PRKN: variants seen among roughly 807,000 people sequenced by gnomAD.
The protein encoded by PRKN is E3 ubiquitin-protein ligase parkin.
A neutral mutation model predicts 59.5 loss-of-function variants in PRKN; 56 were observed. The observed-to-expected ratio is 0.94, with a 90% confidence interval of 0.76 to 1.18. The LOEUF is 1.18. PRKN is among the 50% of genes most tolerant of loss of function. PRKN has a pLI of 0.00. For missense variants in PRKN, 657 were observed against 596.4 expected (o/e 1.10, Z -1.06); for synonymous variants, 250 against 222.1 (o/e 1.13, Z -1.12).
intron 5 of PRKN, among the ~76,000 whole-genome samples, chr6:162,030,830 C>T (rs1783607611): frequency 1.3e-5 from 2 of 152,150 alleles, no homozygotes; most frequent in Non-Finnish European, 1.5e-5. Context: ...GGAGAATTAA[C>T]GAAACATCTC....
chr6:161,520,690 A>C (rs181228335), intron 9 of PRKN, among the ~76,000 whole-genome samples: 6 of 152,230 alleles, frequency 3.9e-5, no homozygotes, highest in Non-Finnish European at 7.3e-5. Context: ...CTTGAATAAC[A>C]TATTTGAAAG....
At chr6:161,804,426 G>T (rs1476450177) in intron 6 of PRKN, among the ~76,000 whole-genome samples, 1 of 152,160 alleles carries the variant, frequency 6.6e-6, no homozygotes, top group African/African-American at 2.4e-5. Flanking sequence ...GGAAGGCAAG[G>T]CTGGTGGCCT....
intron 7 of PRKN, among the ~76,000 whole-genome samples, chr6:161,619,066 C>T (rs921012578): frequency 6.6e-6 from 1 of 152,002 alleles, no homozygotes; most frequent in Non-Finnish European, 1.5e-5. Flanking sequence ...CCTGGCAGAG[C>T]CTGAAGTGGT....
rs900672898 is a variant in PRKN, at chr6:162,570,391, A to G, written c.8-126918T>C. On this transcript the variant is annotated intron_variant, in intron 1 of 11. Coordinates refer to ENST00000366898, the MANE Select transcript of PRKN (RefSeq NM_004562.3). ...AATTACTACAACCACTATGGAGAAGATTATTTTTTAGTTTTGAGGTTCCTC... is the reference window on the plus strand; with the variant it reads ...AATTACTACAACCACTATGGAGAAGGTTATTTTTTAGTTTTGAGGTTCCTC... Among the ~76,000 whole-genome samples, 3 of 152,336 alleles carry G rather than the reference A, an allele frequency of 2.0e-5. No homozygotes were observed. The South Asian group carries it at 6.2e-4, about 32-fold the overall frequency.
At chr6:161,368,382 G>GATATATAT (rs34367069) in intron 10 of PRKN, among the ~76,000 whole-genome samples, 2,336 of 99,212 alleles carry the variant, frequency 0.024, 105 homozygotes, top group Non-Finnish European at 0.032. Flanking sequence ...CCTCAGTCTT[G>GATATATAT]ATATATATAT....
rs1786929109 is a variant in PRKN, at chr6:161,399,549, G to A, written c.1084-12672C>T. On this transcript the variant is annotated intron_variant, in intron 9 of 11. Coordinates refer to ENST00000366898, the MANE Select transcript of PRKN (RefSeq NM_004562.3). The surrounding 1 kb of genome is among the most constrained non-coding windows in gnomAD (Gnocchi z 4.4). ...CCCCCTCCCATAAGGAGTTTGAGCA[G>A]TGGTGGTGGCTGAACTGATGAGCCA... 6.6e-6 allele frequency among the ~76,000 whole-genome samples: 1 copy of A among 152,174 alleles called. No homozygotes were observed. Among genetic ancestry groups the A allele is most frequent in the South Asian group, 2.1e-4 (1 of 4,828 alleles).
At chr6:162,566,351 G>C (rs887213005) in intron 1 of PRKN, among the ~76,000 whole-genome samples, 2 of 151,966 alleles carry the variant, frequency 1.3e-5, no homozygotes, top group Admixed American at 6.6e-5. Context: ...CAAAAAGTTG[G>C]TTTCTTGAAA....
chr6:162,079,393 G>A (rs1374685811), intron 4 of PRKN, among the ~76,000 whole-genome samples: 1 of 152,012 alleles, frequency 6.6e-6, no homozygotes, highest in African/African-American at 2.4e-5. Context: ...TTGTAAATCG[G>A]TGTCCTCTTT....
chr6:162,160,042 T>A (rs1009133565), intron 4 of PRKN, among the ~76,000 whole-genome samples: 1 of 152,202 alleles, frequency 6.6e-6, no homozygotes, highest in South Asian at 2.1e-4. Context: ...AAACATTGTA[T>A]AAATTGGACT....
At chr6:161,623,868 G>A (rs775664136) in intron 7 of PRKN, among the ~76,000 whole-genome samples, 1 of 151,948 alleles carries the variant, frequency 6.6e-6, no homozygotes, top group Non-Finnish European at 1.5e-5. Context: ...ATTTGGTTAC[G>A]GTTAAAAGAA....
chr6:162,463,937 T>G (rs890719649), intron 1 of PRKN, among the ~76,000 whole-genome samples: 3 of 152,234 alleles, frequency 2.0e-5, no homozygotes, highest in East Asian at 1.9e-4. Flanking sequence ...TTGTTGTTTT[T>G]GGGGACTTAA....
chr6:161,858,541 G>A (rs11752805), intron 6 of PRKN, among the ~76,000 whole-genome samples: 75,623 of 151,880 alleles, frequency 0.5, 19,091 homozygotes, highest in East Asian at 0.76. Context: ...GTAAAGGCTA[G>A]TGTGACCCAG....
At chr6:162,379,924 A>G (rs1175814131) in intron 2 of PRKN, among the ~76,000 whole-genome samples, 1 of 152,172 alleles carries the variant, frequency 6.6e-6, no homozygotes, top group East Asian at 1.9e-4. Flanking sequence ...TCCGAGGTGA[A>G]CCAGTCATTC....
chr6:161,612,902 A>G (rs552836502), intron 7 of PRKN, among the ~76,000 whole-genome samples: 1 of 152,312 alleles, frequency 6.6e-6, no homozygotes, highest in African/African-American at 2.4e-5. Flanking sequence ...TTACTGCTCA[A>G]TGACAATGGA....
At chr6:161,662,418 T>C (rs1582966195) in intron 7 of PRKN, among the ~76,000 whole-genome samples, 1 of 152,150 alleles carries the variant, frequency 6.6e-6, no homozygotes, top group Non-Finnish European at 1.5e-5. Context: ...GTGGTGGTGG[T>C]ATTTTTATTT....
chr6:162,092,946 A>T (rs1011857281), intron 4 of PRKN, among the ~76,000 whole-genome samples: 1 of 152,172 alleles, frequency 6.6e-6, no homozygotes, highest in African/African-American at 2.4e-5. Context: ...GATGTTACTG[A>T]TGTCTGCCTC....
chr6:162,411,994 A>G (rs1461301627), intron 2 of PRKN, among the ~76,000 whole-genome samples: 1 of 151,834 alleles, frequency 6.6e-6, no homozygotes, highest in African/African-American at 2.4e-5. Context: ...AGAAAACCAT[A>G]GTATTTCTTT....
intron 6 of PRKN, among the ~76,000 whole-genome samples, chr6:161,796,312 A>G (rs1790846313): frequency 6.6e-6 from 1 of 152,218 alleles, no homozygotes; most frequent in Admixed American, 6.5e-5. Context: ...AAACATTACA[A>G]TGTAACAAGA....
chr6:162,335,978 C>A (rs1322708480), intron 2 of PRKN, among the ~76,000 whole-genome samples: 1 of 151,536 alleles, frequency 6.6e-6, no homozygotes, highest in African/African-American at 2.4e-5. Context: ...GATTCTGCCA[C>A]ACACCTTGGC....
Sources: gnomAD v4.1 joint callset for allele counts (sites outside exome capture counted in the v4.1 genomes callset) on GRCh38, gnomAD v4.1.1 for gene constraint, Gnocchi (gnomAD v3.1) non-coding constraint, MANE v1.5 for transcripts, NCBI Gene and HGNC (gene_info 2026-07-23, HGNC 2026-07-21) for gene names.